NKD1: variants seen among roughly 807,000 people sequenced by gnomAD.
NKD1 encodes NKD inhibitor of Wnt signaling pathway 1, also known as protein naked cuticle homolog 1.
Under a neutral mutation model 56.0 loss-of-function variants are expected in NKD1, and 21 were observed. The ratio of observed to expected loss-of-function variants is 0.38; its 90% CI spans 0.27 to 0.54. The LOEUF (loss-of-function observed/expected upper bound fraction) is 0.54. Among genes scored for constraint, NKD1 ranks in the 20% least tolerant of loss-of-function variants. The pLI is 0.82. For missense variants in NKD1, 578 were observed against 642.7 expected (o/e 0.90, Z 1.09); for synonymous variants, 263 against 265.7 (o/e 0.99, Z 0.10).
At position 50,630,690 on chromosome 16, in the gene NKD1, G is replaced by T. The variant is rs925209318; in HGVS notation, c.611-136G>T. 4.3e-6 allele frequency: 3 copies of T among 696,862 alleles called. No individual in the cohort carries two copies. In the African/African-American group the frequency reaches 5.4e-5, roughly 13 times the overall value. The allele number at this position is 696,862 out of a possible 1,614,324, so 43.2% of individuals were successfully genotyped here. A position where few individuals can be genotyped will look rare whatever the true frequency, so the allele number is the denominator to read the frequency against. On this transcript the variant is annotated intron_variant, in intron 7 of 9. Transcript: ENST00000268459. Reference sequence around the variant, plus strand: ...ATGTGTCCAGGGCAGGTAGCCTTGAGACCCCTTTATTTAGCCCCAGCTCAG... The same window carrying T: ...ATGTGTCCAGGGCAGGTAGCCTTGATACCCCTTTATTTAGCCCCAGCTCAG...
chr16:50,568,266 A>G (rs1960806096), intron 3 of NKD1, among the ~76,000 whole-genome samples: 1 of 152,224 alleles, frequency 6.6e-6, no homozygotes, highest in South Asian at 2.1e-4. Context: ...AGGGTGTTGA[A>G]CAGGGAAGAG....
chr16:50,625,291 C>T, intron 5 of NKD1, 194 bp from the exon 6 acceptor site: 1 of 598,198 alleles, frequency 1.7e-6, no homozygotes. Flanking sequence ...CAGGCCAAAC[C>T]TCCCCTGCCC....
intron 4 of NKD1, chr16:50,616,140 G>C (rs1246882449): frequency 2.2e-6 from 1 of 452,368 alleles, no homozygotes; most frequent in Non-Finnish European, 4.5e-6. Flanking sequence ...GGACGATTGA[G>C]AAAGGACTGT....
rs202153580 is a variant in NKD1 at position 50,598,908 on chromosome 16, TGTG to T, written c.193-9381_193-9379del. Among the ~76,000 whole-genome samples the T allele has an allele frequency of 2.3e-3, 338 of 148,360 alleles. 2 individuals carry two copies. The highest frequency in any genetic ancestry group is 0.01 in the South Asian group (47 of 4,602). On this transcript the variant is annotated intron_variant, in intron 3 of 9. Transcript: ENST00000268459. This position sits in a 1 kb window ranked among gnomAD's most constrained non-coding sequence, Gnocchi z 4.2. ...ATCAGTGGTGTGGTGGGGTCAGTGGTGTGGTGGGCAGTGGTGGGGCAGGATCAG... is the reference window on the plus strand; with the variant it reads ...ATCAGTGGTGTGGTGGGGTCAGTGGTGTGGGCAGTGGTGGGGCAGGATCAG...
chr16:50,574,658 G>T, intron 3 of NKD1: 2 of 985,410 alleles, frequency 2.0e-6, no homozygotes, highest in Non-Finnish European at 2.4e-6. Context: ...GGAGCCAGGG[G>T]GTCCCCTCCC....
At chr16:50,596,253 C>T (rs1961469611) in intron 3 of NKD1, among the ~76,000 whole-genome samples, 1 of 152,206 alleles carries the variant, frequency 6.6e-6, no homozygotes, top group African/African-American at 2.4e-5. Context: ...AATCAGGAGG[C>T]CACCCATTTC....
At chr16:50,560,482 A>G (rs1422719953) in intron 3 of NKD1, among the ~76,000 whole-genome samples, 1 of 152,152 alleles carries the variant, frequency 6.6e-6, no homozygotes, top group East Asian at 1.9e-4. Flanking sequence ...TATTATGCCC[A>G]TCTTACCCAT....
At chr16:50,578,845 C>A (rs1366158163) in intron 3 of NKD1, among the ~76,000 whole-genome samples, 1 of 152,114 alleles carries the variant, frequency 6.6e-6, no homozygotes, top group Admixed American at 6.5e-5. Flanking sequence ...TCTGGGAATG[C>A]AAATGTCACT....
intron 3 of NKD1, among the ~76,000 whole-genome samples, chr16:50,605,038 A>G (rs1412375707): frequency 1.3e-5 from 2 of 152,190 alleles, no homozygotes; most frequent in African/African-American, 4.8e-5. Flanking sequence ...TCCCATGCCC[A>G]CAGGAGCCCT....
rs1962693329 is a variant in NKD1 at position 50,646,988 on chromosome 16, CA to C, written c.*13208del. On this transcript the variant is annotated 3_prime_UTR_variant, in exon 10 of 10. Coordinates refer to ENST00000268459, the MANE Select transcript of NKD1 (RefSeq NM_033119.5). ...CAGTAACTAGCAGGGACACAGTCAACATTCAATATGTGCATGTTGAATGAAT... is the reference window on the plus strand; with the variant it reads ...CAGTAACTAGCAGGGACACAGTCAACTTCAATATGTGCATGTTGAATGAAT... 1 of 152,226 alleles carries C rather than the reference CA, an allele frequency of 6.6e-6. No individual in the cohort carries two copies. The highest frequency in any genetic ancestry group is 6.5e-5 in the Admixed American group (1 of 15,280). 9.4% of individuals were successfully genotyped at this position (152,226 alleles called of 1,614,324 possible). A position where few individuals can be genotyped will look rare whatever the true frequency, so the allele number is the denominator to read the frequency against.
At chr16:50,568,210 C>G (rs1960805023) in intron 3 of NKD1, among the ~76,000 whole-genome samples, 1 of 152,192 alleles carries the variant, frequency 6.6e-6, no homozygotes, top group African/African-American at 2.4e-5. Flanking sequence ...TTTTCTTAAC[C>G]ATCTCTGGGG....
chr16:50,574,218 C>T (rs778954451), intron 3 of NKD1: 8 of 985,318 alleles, frequency 8.1e-6, no homozygotes, highest in Non-Finnish European at 8.4e-6. Flanking sequence ...TCAATTTTCT[C>T]TCCTGTCAAA....
chr16:50,606,742 C>T (rs757804838), intron 3 of NKD1: 2 of 451,056 alleles, frequency 4.4e-6, no homozygotes, highest in South Asian at 3.1e-5. Context: ...GAGCCCCGCT[C>T]TGCAGAAGAC....
chr16:50,549,486 G>T lies in NKD1; in HGVS notation c.123G>T (p.Gln41His). 1 of 1,610,318 alleles carries T rather than the reference G, an allele frequency of 6.2e-7. No homozygotes were observed. The highest frequency in any genetic ancestry group is 8.5e-7 in the Non-Finnish European group (1 of 1,178,520). ...GCATCGAGGAGTGGATCGGGAGACA[G>T]CGCTGCCCGGGCGGTGTCTCGGGAC... ...RKGIEEWIGR[Q>H]RCPGGVSGPR... is the part of the protein sequence containing the mutation. Residue 41 changes from glutamine (Q) to histidine (H), a missense_variant, in exon 3 of 10, where the codon CAG (glutamine) becomes CAT (histidine). Coordinates refer to ENST00000268459, the MANE Select transcript of NKD1 (RefSeq NM_033119.5).
In NKD1 at chr16:50,614,416, C is replaced by T. The variant is rs376599625; in HGVS notation, c.259+6056C>T. On this transcript the variant is annotated intron_variant, in intron 4 of 9. Transcript: ENST00000268459. ...TATACTCACACATTCACACACATGT[C>T]TCGCTCGCTGCCCCTCTCTCTCCCT... 2.4e-4 allele frequency among the ~76,000 whole-genome samples: 36 copies of T among 152,238 alleles called. 2 individuals are homozygous for T. Among genetic ancestry groups the T allele is most frequent in the African/African-American group, 8.7e-4 (36 of 41,542 alleles).
Position 50,553,102 on chromosome 16 carries a change from G to A in NKD1, c.192+3547G>A, listed in dbSNP as rs532628955. Among the ~76,000 whole-genome samples the A allele has an allele frequency of 2.0e-5, 3 of 152,350 alleles. No individual in the cohort carries two copies. In the South Asian group the frequency reaches 6.2e-4, roughly 32 times the overall value. The stretch of plus-strand genomic sequence containing the variant: ...ACTCAGAGAGAAACGGAGGATGCTG[G>A]AAACATGAAGCAGCAACAGGCAGTT... On this transcript the variant is annotated intron_variant, in intron 3 of 9. Coordinates refer to ENST00000268459, the MANE Select transcript of NKD1 (RefSeq NM_033119.5).
At position 50,608,380 on chromosome 16, in the gene NKD1, C is replaced by G. The variant is rs1046647160; in HGVS notation, c.259+20C>G. On this transcript the variant is annotated intron_variant, in intron 4 of 9. Coordinates refer to ENST00000268459, the MANE Select transcript of NKD1 (RefSeq NM_033119.5). The stretch of plus-strand genomic sequence containing the variant: ...TGGAAGGTATTCGGAGTCCATTGCT[C>G]TCTTCCCAGCAGCAGCGAGTGGGGG... 12 of 1,583,726 alleles carry G rather than the reference C, an allele frequency of 7.6e-6. No homozygotes were observed. The highest frequency in any genetic ancestry group is 2.2e-5 in the South Asian group (2 of 90,450).
intron 5 of NKD1, 77 bp downstream of exon 5, chr16:50,621,785 C>A: frequency 9.1e-7 from 1 of 1,095,166 alleles, no homozygotes; most frequent in Non-Finnish European, 1.4e-6. Context: ...AGGAGGGAAG[C>A]TGAGGCTCTT....
In NKD1 at chr16:50,621,195, C is replaced by T. The variant is rs549547894; in HGVS notation, c.260-407C>T. Among the ~76,000 whole-genome samples the T allele has an allele frequency of 3.5e-4, 54 of 152,350 alleles. 1 individual carries two copies. Among genetic ancestry groups the T allele is most frequent in the South Asian group, 3.1e-3 (15 of 4,834 alleles). ...CAGGTGGGTGGCACCTTTGAGGAGG[C>T]CAAAATGTCAACACAGAAGGCAGTG... On this transcript the variant is annotated intron_variant, in intron 4 of 9. Coordinates refer to ENST00000268459, the MANE Select transcript of NKD1 (RefSeq NM_033119.5).
Sources: allele counts gnomAD v4.1 joint callset (sites outside exome capture counted in the v4.1 genomes callset), GRCh38; gene constraint gnomAD v4.1.1; non-coding constraint Gnocchi (gnomAD v3.1); transcripts MANE v1.5; gene names NCBI Gene and HGNC (gene_info 2026-07-23, HGNC 2026-07-21).